Variants in ITPR2 observed in about 807,000 individuals in gnomAD.
ITPR2 encodes the protein inositol 1,4,5-trisphosphate receptor type 2.
A neutral mutation model predicts 317.1 loss-of-function variants in ITPR2; 207 were observed. The observed-to-expected ratio is 0.65, with a 90% CI of 0.58 to 0.73. The LOEUF is 0.73. ITPR2 is among the 30% of genes least tolerant of loss of function. The pLI is 0.00. For missense variants in ITPR2, 2,613 were observed against 3,284.0 expected (o/e 0.80, Z 4.99); for synonymous variants, 1,156 against 1,149.1 (o/e 1.01, Z -0.12).
At chr12:26,802,037 T>C (rs55873067) in intron 1 of ITPR2, among the ~76,000 whole-genome samples, 24,522 of 152,206 alleles carry the variant, frequency 0.16, 2,713 homozygotes, top group Non-Finnish European at 0.24. Flanking sequence ...TAGTAGCTTA[T>C]GCCTGTAATC....
intron 55 of ITPR2, among the ~76,000 whole-genome samples, chr12:26,349,472 A>G (rs10505996): frequency 0.064 from 9,771 of 152,358 alleles, 439 homozygotes; most frequent in Non-Finnish European, 0.095. Flanking sequence ...ACAGGATTGA[A>G]AGATTTTGCA....
At chr12:26,596,108 A>G (rs1011801324) in intron 31 of ITPR2, among the ~76,000 whole-genome samples, 3 of 152,262 alleles carry the variant, frequency 2.0e-5, no homozygotes, top group South Asian at 2.1e-4. Flanking sequence ...CTGTGTGTGC[A>G]TATTTTCAAG....
intron 26 of ITPR2, among the ~76,000 whole-genome samples, chr12:26,609,375 A>C (rs1565638290): frequency 6.6e-6 from 1 of 152,148 alleles, no homozygotes; most frequent in Non-Finnish European, 1.5e-5. Context: ...GGGAGGCTAA[A>C]GTAGGTGGGT....
chr12:26,597,766 A>G (rs891418418), intron 30 of ITPR2, among the ~76,000 whole-genome samples: 1 of 152,200 alleles, frequency 6.6e-6, no homozygotes, highest in Non-Finnish European at 1.5e-5. Flanking sequence ...TTTTAGTAGA[A>G]AATTCCATCA....
Position 26,476,999 on chromosome 12 carries a change from T to A in ITPR2, c.6132A>T (p.Ala2044=). Residue 2044 remains alanine, a synonymous_variant, in exon 44 of 57, where the codon GCA becomes GCT. Transcript: ENST00000381340. ...CCATAATGGCCAGCAAAAGTTTAGA[T>A]GCATTGTTCTAGAGACACAGATTGA... The part of the protein sequence containing the change: ...MDLVLQLKNN[A]SKLLLAIMES... 1.2e-6 allele frequency: 2 copies of A among 1,607,128 alleles called. No homozygotes were observed. The highest frequency in any genetic ancestry group is 1.7e-4 in the Middle Eastern group (1 of 6,056).
rs1038559232 is a variant in ITPR2, at chr12:26,614,256, A to G, written c.3462+6867T>C. 3.9e-5 allele frequency among the ~76,000 whole-genome samples: 6 copies of G among 152,076 alleles called. No homozygotes were observed. In the East Asian group the frequency reaches 9.6e-4, roughly 24 times the overall value. On this transcript the variant is annotated intron_variant, in intron 26 of 56. Transcript: ENST00000381340. ...GAGCTCCAAGCAACAAGGGCACAAGATAAGTTTCCCTGAAGGCAAATGACA... is the reference window on the plus strand; with the variant it reads ...GAGCTCCAAGCAACAAGGGCACAAGGTAAGTTTCCCTGAAGGCAAATGACA...
intron 37 of ITPR2, among the ~76,000 whole-genome samples, chr12:26,521,153 AT>A (rs1943651828): frequency 6.6e-6 from 1 of 152,166 alleles, no homozygotes; most frequent in Admixed American, 6.5e-5. Context: ...ACCTGAAGAT[AT>A]TTTTTGGGAG....
At chr12:26,573,000 T>C (rs994449904) in intron 34 of ITPR2, among the ~76,000 whole-genome samples, 7 of 129,740 alleles carry the variant, frequency 5.4e-5, no homozygotes, top group African/African-American at 2.1e-4. Flanking sequence ...GGATTTCATT[T>C]ATTTATTTAT....
chr12:26,539,135 G>A (rs1398895021), intron 37 of ITPR2, among the ~76,000 whole-genome samples: 1 of 152,166 alleles, frequency 6.6e-6, no homozygotes, highest in Admixed American at 6.5e-5. Flanking sequence ...ACAGTATCCC[G>A]AAATTAGTGT....
At chr12:26,572,868 A>G (rs1367351827) in intron 34 of ITPR2, among the ~76,000 whole-genome samples, 1 of 152,048 alleles carries the variant, frequency 6.6e-6, no homozygotes, top group African/African-American at 2.4e-5. Context: ...ATTTGTTGTA[A>G]TTTTGTCTTT....
intron 2 of ITPR2, among the ~76,000 whole-genome samples, chr12:26,763,750 G>C (rs559893686): frequency 6.6e-6 from 1 of 152,058 alleles, no homozygotes; most frequent in East Asian, 1.9e-4. Flanking sequence ...AAGAAGTGAA[G>C]GGACTTATAT....
chr12:26,807,248 A>C (rs572946681), intron 1 of ITPR2, among the ~76,000 whole-genome samples: 6 of 152,350 alleles, frequency 3.9e-5, no homozygotes, highest in Admixed American at 1.3e-4. Context: ...TGTTAAATGA[A>C]ATATATGTCA....
chr12:26,698,411 A>G (rs1239171450), intron 9 of ITPR2, among the ~76,000 whole-genome samples: 1 of 152,250 alleles, frequency 6.6e-6, no homozygotes, highest in East Asian at 1.9e-4. Flanking sequence ...TGCAAGCGAC[A>G]ACCAAGAATG....
Position 26,494,138 on chromosome 12 carries a change from T to G in ITPR2, c.5370+15A>C. 1 of 1,590,488 alleles carries G rather than the reference T, an allele frequency of 6.3e-7. No individual in the cohort carries two copies. Among genetic ancestry groups the G allele is most frequent in the Non-Finnish European group, 8.6e-7 (1 of 1,164,082 alleles). On this transcript the variant is annotated intron_variant, in intron 39 of 56. Transcript: ENST00000381340. ...CCAATAATAAATGTAATCCCCATGA[T>G]TGATGAACAAGTACCTGTGTTTGTG... is the stretch of plus-strand genomic sequence containing the variant.
intron 34 of ITPR2, among the ~76,000 whole-genome samples, chr12:26,567,425 T>A (rs141748329): frequency 5.3e-5 from 8 of 152,288 alleles, no homozygotes; most frequent in African/African-American, 1.9e-4. Context: ...TTTGTTTCCC[T>A]CAAACCATCC....
At chr12:26,628,569 A>G (rs1464859870) in intron 22 of ITPR2, among the ~76,000 whole-genome samples, 1 of 152,214 alleles carries the variant, frequency 6.6e-6, no homozygotes, top group Non-Finnish European at 1.5e-5. Flanking sequence ...CTACAATAGT[A>G]TGACTGTGAC....
intron 2 of ITPR2, among the ~76,000 whole-genome samples, chr12:26,775,793 G>T (rs1949949798): frequency 6.6e-6 from 1 of 151,706 alleles, no homozygotes; most frequent in Non-Finnish European, 1.5e-5. Context: ...TGTGCTGGAT[G>T]CTTCCTGCCA....
rs1944659594 is a variant in ITPR2, at chr12:26,556,313, C to G, written c.4884G>C (p.Leu1628Phe). 6.2e-7 allele frequency: 1 copy of G among 1,614,054 alleles called. No homozygotes were observed. The highest frequency in any genetic ancestry group is 1.1e-5 in the South Asian group (1 of 91,066). The change falls in exon 36 of 57, where the codon TTG becomes TTC. Residue 1628 changes from leucine (L) to phenylalanine (F), a missense_variant. Physicochemically the swap from Leu to Phe is conservative, Grantham distance 22 (BLOSUM62 0). Coordinates refer to ENST00000381340, the MANE Select transcript of ITPR2 (RefSeq NM_002223.4). ...SPMMQAEFSV[L>F]VDVLYSPELL... ...GTTCTGGACTGTACAATACATCAACCAACACTGAGAATTCAGCCTGCATCA... is the reference window on the plus strand; with the variant it reads ...GTTCTGGACTGTACAATACATCAACGAACACTGAGAATTCAGCCTGCATCA...
At chr12:26,399,814 G>C (rs1036997183) in intron 53 of ITPR2, among the ~76,000 whole-genome samples, 3 of 152,210 alleles carry the variant, frequency 2.0e-5, no homozygotes, top group Non-Finnish European at 2.9e-5. Flanking sequence ...TGATAGGCAA[G>C]AGGCAACCTC....
Sources: allele counts gnomAD v4.1 joint callset (sites outside exome capture counted in the v4.1 genomes callset), GRCh38; gene constraint gnomAD v4.1.1; transcripts MANE v1.5; gene names NCBI Gene and HGNC (gene_info 2026-07-23, HGNC 2026-07-21).